Variants in MAGI1 observed in about 807,000 individuals in gnomAD.
MAGI1 encodes the protein membrane associated guanylate kinase, WW and PDZ domain containing 1.
Under a neutral mutation model 139.9 loss-of-function variants are expected in MAGI1, and 58 were observed. The observed-to-expected ratio is 0.41, with a 90% CI of 0.34 to 0.52. The LOEUF is 0.52. MAGI1 is among the 20% of genes least tolerant of loss of function. The pLI is 0.12. For missense variants in MAGI1, 1,874 were observed against 1,901.6 expected, an observed-to-expected ratio of 0.99 and a Z score of 0.27; for synonymous variants, 812 against 737.9, an observed-to-expected ratio of 1.10 and a Z score of -1.63.
At chr3:65,790,410 A>G (rs534719361) in intron 1 of MAGI1, among the ~76,000 whole-genome samples, 1 of 152,312 alleles carries the variant, frequency 6.6e-6, no homozygotes, top group Admixed American at 6.5e-5. Context: ...GCTCTGCCTA[A>G]ATAAATCTTT....
intron 1 of MAGI1, among the ~76,000 whole-genome samples, chr3:65,844,708 A>C (rs1417697583): frequency 6.6e-6 from 1 of 152,168 alleles, no homozygotes; most frequent in Non-Finnish European, 1.5e-5. Context: ...AAAGAAACTG[A>C]AAACCCAATT....
At chr3:65,617,906 T>A (rs1387031286) in intron 2 of MAGI1, among the ~76,000 whole-genome samples, 3 of 152,144 alleles carry the variant, frequency 2.0e-5, no homozygotes, top group Admixed American at 2.0e-4. Context: ...GCCTGACTCA[T>A]GAAAGTTAGA....
intron 1 of MAGI1, among the ~76,000 whole-genome samples, chr3:65,868,478 A>G (rs751235809): frequency 4.6e-5 from 7 of 152,298 alleles, no homozygotes; most frequent in African/African-American, 1.7e-4. Context: ...AATTCACCAC[A>G]TAACCTTCTA....
chr3:65,485,015 A>G (rs1480147383), intron 3 of MAGI1, among the ~76,000 whole-genome samples: 1 of 152,162 alleles, frequency 6.6e-6, no homozygotes, highest in Non-Finnish European at 1.5e-5. Context: ...ACATACCATT[A>G]CCCGGTAATT....
chr3:65,470,766 A>T (rs1559584423), intron 4 of MAGI1, among the ~76,000 whole-genome samples: 2 of 152,180 alleles, frequency 1.3e-5, no homozygotes, highest in Admixed American at 6.5e-5. Flanking sequence ...TGGAAATGTC[A>T]AAGAAGAAAC....
intron 2 of MAGI1, among the ~76,000 whole-genome samples, chr3:65,505,735 T>A (rs1316287816): frequency 6.6e-6 from 1 of 151,468 alleles, no homozygotes; most frequent in Non-Finnish European, 1.5e-5. Context: ...AATTACATCG[T>A]TTCAATGGTT....
intron 2 of MAGI1, among the ~76,000 whole-genome samples, chr3:65,528,234 G>A (rs566633919): frequency 2.0e-5 from 3 of 152,210 alleles, no homozygotes; most frequent in South Asian, 2.1e-4. Context: ...TTCACTCCAC[G>A]TCAACTGTCA....
intron 2 of MAGI1, among the ~76,000 whole-genome samples, chr3:65,506,502 T>A (rs924944716): frequency 6.6e-6 from 1 of 152,204 alleles, no homozygotes; most frequent in South Asian, 2.1e-4. Flanking sequence ...CCAACCTTGA[T>A]GAAATTTTCC....
Position 65,383,612 on chromosome 3 carries a change from G to A in MAGI1, c.2428C>T (p.Gln810Ter), listed in dbSNP as rs201912749. 6.2e-7 allele frequency: 1 copy of A among 1,610,924 alleles called. No individual in the cohort carries two copies. Among genetic ancestry groups the A allele is most frequent in the Admixed American group, 1.7e-5 (1 of 59,974 alleles). ...SMYENRLPDYQEQDIFLWRKE... is the reference protein window; with the variant it reads ...SMYENRLPDY ...CTCCAGAGGAAGATGTCCTGTTCCTGGTAATCTGGAACTGCAGAGAGGGGA... is the reference window on the plus strand; with the variant it reads ...CTCCAGAGGAAGATGTCCTGTTCCTAGTAATCTGGAACTGCAGAGAGGGGA... The change falls in exon 15 of 23, where the codon CAG becomes TAG. Residue 810 changes from glutamine to a stop codon, truncating the protein, a stop_gained. Transcript: ENST00000402939. LOFTEE classifies it high-confidence loss of function.
intron 1 of MAGI1, among the ~76,000 whole-genome samples, chr3:65,894,170 G>GTTCC (rs1165421816): frequency 6.6e-6 from 1 of 152,114 alleles, no homozygotes; most frequent in Non-Finnish European, 1.5e-5. Context: ...TCTCAAAGTT[G>GTTCC]TAAGAACAGC....
At chr3:65,554,212 G>C (rs2079981673) in intron 2 of MAGI1, among the ~76,000 whole-genome samples, 1 of 152,144 alleles carries the variant, frequency 6.6e-6, no homozygotes, top group Admixed American at 6.5e-5. Context: ...ATGGTCAAGA[G>C]TCACTTTGGC....
intron 18 of MAGI1, among the ~76,000 whole-genome samples, chr3:65,368,581 A>T (rs1354266764): frequency 1.3e-5 from 2 of 152,216 alleles, no homozygotes; most frequent in African/African-American, 2.4e-5. Flanking sequence ...TACGGAATCC[A>T]CATTGAAAGC....
intron 1 of MAGI1, among the ~76,000 whole-genome samples, chr3:65,833,445 T>C (rs1481618668): frequency 1.3e-5 from 2 of 152,188 alleles, no homozygotes; most frequent in South Asian, 2.1e-4. Flanking sequence ...CTAACACCCA[T>C]ACAATACAAT....
intron 1 of MAGI1, among the ~76,000 whole-genome samples, chr3:65,689,841 G>C (rs2088413967): frequency 6.6e-6 from 1 of 152,158 alleles, no homozygotes; most frequent in Non-Finnish European, 1.5e-5. Context: ...TCAATTCACA[G>C]GAAAAAAGGT....
intron 1 of MAGI1, among the ~76,000 whole-genome samples, chr3:65,759,009 T>C (rs970328168): frequency 2.9e-5 from 4 of 139,954 alleles, no homozygotes; most frequent in Non-Finnish European, 4.5e-5. Flanking sequence ...TCATATATGA[T>C]CTCATACATA....
chr3:65,911,114 T>G (rs2061649618), intron 1 of MAGI1, among the ~76,000 whole-genome samples: 1 of 151,510 alleles, frequency 6.6e-6, no homozygotes, highest in Non-Finnish European at 1.5e-5. Flanking sequence ...TGCCTCGGCC[T>G]CCCAAAGTGA....
At chr3:65,721,313 A>ACTCTACCT (rs1222021250) in intron 1 of MAGI1, among the ~76,000 whole-genome samples, 1 of 152,052 alleles carries the variant, frequency 6.6e-6, no homozygotes, top group Non-Finnish European at 1.5e-5. Context: ...GCTCCATGTC[A>ACTCTACCT]CTCTACCTCT....
At chr3:65,733,117 G>C (rs1332238013) in intron 1 of MAGI1, among the ~76,000 whole-genome samples, 1 of 152,070 alleles carries the variant, frequency 6.6e-6, no homozygotes, top group Non-Finnish European at 1.5e-5. Flanking sequence ...TGAGTGCAAT[G>C]GCGCGATCTT....
chr3:65,490,858 G>GAAA (rs377381113), intron 3 of MAGI1, among the ~76,000 whole-genome samples: 1 of 128,336 alleles, frequency 7.8e-6, no homozygotes, highest in Admixed American at 8.7e-5. Context: ...AAAAAAAAAA[G>GAAA]AAAAAAGAAA....
Sources: allele counts gnomAD v4.1 joint callset (sites outside exome capture counted in the v4.1 genomes callset), GRCh38; gene constraint gnomAD v4.1.1; transcripts MANE v1.5; gene names NCBI Gene and HGNC (gene_info 2026-07-23, HGNC 2026-07-21).